Variants in REC114 observed in about 807,000 individuals in gnomAD.
REC114 encodes REC114 meiotic recombination protein, also known as meiotic recombination protein REC114.
A neutral mutation model predicts 31.3 loss-of-function variants in REC114; 27 were observed. The ratio of observed to expected loss-of-function variants is 0.86; its 90% CI spans 0.64 to 1.19. The LOEUF (loss-of-function observed/expected upper bound fraction) is 1.19, where lower values mean the gene tolerates loss of function less well. Among genes scored for constraint, REC114 ranks in the 50% most tolerant of loss-of-function variants. The pLI, the probability that REC114 is intolerant of heterozygous loss-of-function variation, is 0.00. For missense variants in REC114, 344 were observed against 326.9 expected (o/e 1.05, Z -0.40); for synonymous variants, 134 against 127.7 (o/e 1.05, Z -0.33).
At chr15:73,551,962 G>A (rs752933122) in intron 4 of REC114, among the ~76,000 whole-genome samples, 25 of 152,134 alleles carry the variant, frequency 1.6e-4, no homozygotes, top group Non-Finnish European at 2.8e-4. Flanking sequence ...TGATTTACTT[G>A]TTTATAAGTA....
intron 2 of REC114, among the ~76,000 whole-genome samples, chr15:73,494,347 C>G (rs1332594937): frequency 6.6e-6 from 1 of 151,940 alleles, no homozygotes; most frequent in Non-Finnish European, 1.5e-5. Context: ...CAAAAATTAA[C>G]TAGGTGTGGT....
chr15:73,480,405 T>C (rs1346001325), intron 2 of REC114, among the ~76,000 whole-genome samples: 3 of 151,896 alleles, frequency 2.0e-5, no homozygotes. Flanking sequence ...GAATCAACCT[T>C]TATTGTAGAA....
At chr15:73,554,069 A>G (rs1894428096) in intron 4 of REC114, among the ~76,000 whole-genome samples, 1 of 152,216 alleles carries the variant, frequency 6.6e-6, no homozygotes, top group Non-Finnish European at 1.5e-5. Context: ...ACCCTTTCAG[A>G]TGTGCCTTCC....
intron 2 of REC114, among the ~76,000 whole-genome samples, chr15:73,531,617 A>G (rs1894083297): frequency 6.6e-6 from 1 of 152,222 alleles, no homozygotes; most frequent in Non-Finnish European, 1.5e-5. Context: ...GGGGGTGTCA[A>G]CCATGTGCCA....
At chr15:73,491,360 C>G (rs1024840261) in intron 2 of REC114, among the ~76,000 whole-genome samples, 2 of 148,406 alleles carry the variant, frequency 1.3e-5, no homozygotes, top group African/African-American at 5.0e-5. Context: ...TGTGTACTAT[C>G]TTAATTTCTT....
Position 73,551,029 on chromosome 15 carries a change from A to AGTT in REC114, c.425_426insGTT (p.Gln142_Tyr143insLeu). 1 of 1,613,930 alleles carries AGTT rather than the reference A, an allele frequency of 6.2e-7. No homozygotes were observed. Among genetic ancestry groups the AGTT allele is most frequent in the South Asian group, 1.1e-5 (1 of 91,080 alleles). The stretch of plus-strand genomic sequence containing the variant: ...TGCAGTTGTGTTCAGAAGCTGGCAC[A>AGTT]ATACATAACCGTGCAGGTGCCTGAT... On this transcript the variant is annotated inframe_insertion, in exon 4 of 6. Transcript: ENST00000331090.
chr15:73,488,643 A>C (rs190820656), intron 2 of REC114, among the ~76,000 whole-genome samples: 135 of 152,310 alleles, frequency 8.9e-4, no homozygotes, highest in Middle Eastern at 6.8e-3. Context: ...TCCAGTTTCT[A>C]ATAAGATATT....
chr15:73,463,260 A>G (rs373193477), intron 1 of REC114, among the ~76,000 whole-genome samples: 3 of 152,064 alleles, frequency 2.0e-5, no homozygotes, highest in African/African-American at 7.2e-5. Flanking sequence ...GTTGTTCTAC[A>G]GAGTTTCTCA....
chr15:73,487,831 C>T (rs186178875), intron 2 of REC114, among the ~76,000 whole-genome samples: 3 of 152,324 alleles, frequency 2.0e-5, no homozygotes, highest in Admixed American at 6.5e-5. Flanking sequence ...CTAGGCATTG[C>T]CCTGGTGGGG....
intron 2 of REC114, among the ~76,000 whole-genome samples, chr15:73,495,752 A>C (rs532851948): frequency 6.6e-6 from 1 of 152,272 alleles, no homozygotes; most frequent in South Asian, 2.1e-4. Flanking sequence ...ACTAGGTTCA[A>C]TTGGATTAGC....
chr15:73,444,330 A>G (rs530723576), intron 1 of REC114, among the ~76,000 whole-genome samples: 1 of 152,350 alleles, frequency 6.6e-6, no homozygotes, highest in Non-Finnish European at 1.5e-5. Context: ...CTCCTTTCAA[A>G]ATTGGAGTTA....
chr15:73,541,053 T>C (rs1170640712), intron 3 of REC114, among the ~76,000 whole-genome samples: 1 of 152,218 alleles, frequency 6.6e-6, no homozygotes, highest in Admixed American at 6.5e-5. Context: ...CAAAAATAAC[T>C]ATGAAAACCA....
chr15:73,543,942 CTTTTTTTT>C (rs34215297), intron 3 of REC114, among the ~76,000 whole-genome samples: 1 of 74,098 alleles, frequency 1.3e-5, no homozygotes, highest in Non-Finnish European at 2.5e-5. Flanking sequence ...TGTTAACTGG[CTTTTTTTT>C]TTTTTTTTTT....
At chr15:73,559,572 T>C (rs1485465138) in intron 5 of REC114, among the ~76,000 whole-genome samples, 180 bp from the exon 6 acceptor site, 2 of 152,222 alleles carry the variant, frequency 1.3e-5, no homozygotes, top group African/African-American at 4.8e-5. Context: ...TACATATTAA[T>C]ATACAAAATT....
At chr15:73,511,752 C>A in intron 2 of REC114, among the ~76,000 whole-genome samples, 1 of 146,924 alleles carries the variant, frequency 6.8e-6, no homozygotes, top group South Asian at 2.2e-4. Context: ...AGTTGAGCGG[C>A]TTTGAGTGAG....
chr15:73,557,170 A>C (rs998365817), intron 5 of REC114, among the ~76,000 whole-genome samples: 1 of 151,580 alleles, frequency 6.6e-6, no homozygotes, highest in Non-Finnish European at 1.5e-5. Context: ...CCTGGGTTCA[A>C]GTGATTTTCC....
rs572181888 is a variant in REC114, at chr15:73,457,045, T to C, written c.159+13701T>C. ...TACTTTGTTGGGTACAGGGTATCTT[T>C]GTATTTCTGTATTTCTGAGCTTTTT... On this transcript the variant is annotated intron_variant, in intron 1 of 5. Transcript: ENST00000331090. Among the ~76,000 whole-genome samples, 166 of 151,796 alleles carry C rather than the reference T, an allele frequency of 1.1e-3. 1 individual carries two copies. The highest frequency in any genetic ancestry group is 3.8e-3 in the African/African-American group (158 of 41,494).
chr15:73,458,401 A>G (rs1363428187), intron 1 of REC114, among the ~76,000 whole-genome samples: 1 of 152,210 alleles, frequency 6.6e-6, no homozygotes, highest in African/African-American at 2.4e-5. Flanking sequence ...CACTTACTGC[A>G]TTAGTTATCT....
At chr15:73,471,431 A>G (rs1893130907) in intron 1 of REC114, among the ~76,000 whole-genome samples, 1 of 152,200 alleles carries the variant, frequency 6.6e-6, no homozygotes. Flanking sequence ...TGAGGTGAAA[A>G]TGTTGTGATG....
Sources: allele counts gnomAD v4.1 joint callset (sites outside exome capture counted in the v4.1 genomes callset), GRCh38; gene constraint gnomAD v4.1.1; transcripts MANE v1.5; gene names NCBI Gene and HGNC (gene_info 2026-07-23, HGNC 2026-07-21).